CDH13: variants seen among roughly 807,000 people sequenced by gnomAD.
CDH13 encodes the protein cadherin-13.
In CDH13, 24 loss-of-function variants were observed where a neutral mutation model predicts 63.8. The observed-to-expected ratio is 0.38, with a 90% CI of 0.27 to 0.53. CDH13 has a LOEUF of 0.53. Ranked by LOEUF, CDH13 falls within the 20% of genes least tolerant of loss-of-function variation. The pLI is 0.85. For missense variants in CDH13, 1,049 were observed against 903.1 expected (o/e 1.16, Z -2.07); for synonymous variants, 503 against 355.3 (o/e 1.42, Z -4.67).
intron 1 of CDH13, among the ~76,000 whole-genome samples, chr16:82,712,192 T>G (rs942254948): frequency 1.3e-5 from 2 of 152,198 alleles, no homozygotes; most frequent in African/African-American, 2.4e-5. Flanking sequence ...CGCATGACCT[T>G]GATGAAGATA....
chr16:83,475,072 G>A (rs535162255), intron 6 of CDH13, among the ~76,000 whole-genome samples: 23 of 152,346 alleles, frequency 1.5e-4, no homozygotes, highest in African/African-American at 4.6e-4. Context: ...GACTGGCTGC[G>A]TGATTTGCAG....
intron 7 of CDH13, among the ~76,000 whole-genome samples, chr16:83,496,576 T>A (rs545573516): frequency 5.9e-5 from 9 of 152,218 alleles, no homozygotes; most frequent in Admixed American, 2.6e-4. Context: ...AAACCTAGGC[T>A]TTACCATTCA....
chr16:83,128,769 T>C (rs1269459449), intron 4 of CDH13, among the ~76,000 whole-genome samples: 3 of 152,232 alleles, frequency 2.0e-5, no homozygotes, highest in African/African-American at 4.8e-5. Context: ...CATTGTTTTT[T>C]TACTTATTAC....
intron 7 of CDH13, among the ~76,000 whole-genome samples, chr16:83,544,016 A>G (rs181403341): frequency 4.9e-4 from 74 of 152,298 alleles, no homozygotes; most frequent in Non-Finnish European, 8.2e-4. Context: ...TCAGAGGGAA[A>G]TGGGATCTTT....
At chr16:83,560,571 T>C (rs61336028) in intron 7 of CDH13, among the ~76,000 whole-genome samples, 1,686 of 152,300 alleles carry the variant, frequency 0.011, 76 homozygotes, top group Admixed American at 0.072. Context: ...TTATACAAGA[T>C]GAGCAACTCC....
chr16:83,221,350 A>C (rs944541621), intron 5 of CDH13, among the ~76,000 whole-genome samples: 3 of 152,120 alleles, frequency 2.0e-5, no homozygotes, highest in African/African-American at 7.2e-5. Context: ...TTCTGACCCA[A>C]AGTAGCACCT....
chr16:82,979,119 C>A (rs1909921133), intron 2 of CDH13, among the ~76,000 whole-genome samples: 1 of 152,204 alleles, frequency 6.6e-6, no homozygotes, highest in African/African-American at 2.4e-5. Flanking sequence ...GGGCCTGTAG[C>A]TCCTTTGTTT....
At chr16:83,437,453 A>G (rs972474599) in intron 6 of CDH13, among the ~76,000 whole-genome samples, 2 of 152,094 alleles carry the variant, frequency 1.3e-5, no homozygotes, top group Non-Finnish European at 1.5e-5. Flanking sequence ...AGTCAGGTGG[A>G]TCACCTGAGA....
intron 3 of CDH13, among the ~76,000 whole-genome samples, chr16:83,072,224 G>A (rs368931521): frequency 2.0e-5 from 3 of 152,122 alleles, no homozygotes; most frequent in African/African-American, 7.2e-5. Context: ...TCTGTATTCA[G>A]TTTATAAAAG....
intron 7 of CDH13, among the ~76,000 whole-genome samples, chr16:83,585,582 G>A (rs187463905): frequency 1.4e-5 from 2 of 145,544 alleles, no homozygotes; most frequent in African/African-American, 2.6e-5. Flanking sequence ...GTAGATCTGG[G>A]AATTAGGAGA....
chr16:82,739,545 A>T (rs2151050853), intron 1 of CDH13, among the ~76,000 whole-genome samples: 1 of 152,348 alleles, frequency 6.6e-6, no homozygotes, highest in South Asian at 2.1e-4. Flanking sequence ...CTCCCTGTTT[A>T]AGCAATGAGG....
intron 7 of CDH13, among the ~76,000 whole-genome samples, chr16:83,540,288 G>A (rs2075275409): frequency 6.6e-6 from 1 of 152,262 alleles, no homozygotes; most frequent in Middle Eastern, 3.4e-3. Context: ...CTTCATAAAT[G>A]CAGAATGTTG....
chr16:83,337,851 C>T (rs1039237004), intron 5 of CDH13, among the ~76,000 whole-genome samples: 1 of 151,566 alleles, frequency 6.6e-6, no homozygotes, highest in Non-Finnish European at 1.5e-5. Flanking sequence ...GATGATTTTG[C>T]CACAAATGAG....
At chr16:83,101,775 G>C (rs2034490624) in intron 3 of CDH13, among the ~76,000 whole-genome samples, 1 of 152,134 alleles carries the variant, frequency 6.6e-6, no homozygotes. Flanking sequence ...GCCTGGGAGA[G>C]AGAGTGAGAT....
chr16:82,720,515 C>T (rs374542485), intron 1 of CDH13, among the ~76,000 whole-genome samples: 9 of 152,168 alleles, frequency 5.9e-5, no homozygotes, highest in East Asian at 1.9e-4. Context: ...CTTACACCCA[C>T]GCTCACACTC....
intron 4 of CDH13, among the ~76,000 whole-genome samples, chr16:83,177,639 C>T (rs2038182151): frequency 6.6e-6 from 1 of 152,146 alleles, no homozygotes; most frequent in African/African-American, 2.4e-5. Flanking sequence ...CTCTTGCCTC[C>T]AACATTGTAG....
At chr16:82,719,939 T>C (rs914818645) in intron 1 of CDH13, among the ~76,000 whole-genome samples, 8 of 150,308 alleles carry the variant, frequency 5.3e-5, no homozygotes, top group African/African-American at 2.0e-4. Context: ...TTCAGGGAAA[T>C]GAAATATAAT....
At chr16:83,577,613 A>G (rs1905178671) in intron 7 of CDH13, among the ~76,000 whole-genome samples, 1 of 152,178 alleles carries the variant, frequency 6.6e-6, no homozygotes, top group African/African-American at 2.4e-5. Flanking sequence ...CTTTTAAGCA[A>G]AGCCTGAGAC....
At chr16:83,109,014 C>T (rs2034929564) in intron 3 of CDH13, among the ~76,000 whole-genome samples, 1 of 151,696 alleles carries the variant, frequency 6.6e-6, no homozygotes, top group African/African-American at 2.4e-5. Context: ...GATGACCCAC[C>T]AATAAAGTAC....
Sources: allele counts gnomAD v4.1 joint callset (sites outside exome capture counted in the v4.1 genomes callset), GRCh38; gene constraint gnomAD v4.1.1; transcripts MANE v1.5; gene names NCBI Gene and HGNC (gene_info 2026-07-23, HGNC 2026-07-21).